Variants in SMARCA2 observed in about 807,000 individuals in gnomAD.
SMARCA2 encodes the protein SWI/SNF related BAF chromatin remodeling complex subunit ATPase 2.
SMARCA2 carries 61 observed loss-of-function variants against 199.8 expected under a neutral mutation model. That is an observed-to-expected ratio of 0.31 (90% CI 0.25 to 0.38). The LOEUF (loss-of-function observed/expected upper bound fraction) is 0.38, where lower values mean the gene tolerates loss of function less well. Among genes scored for constraint, SMARCA2 ranks in the 10% least tolerant of loss-of-function variants. The probability of loss-of-function intolerance (pLI) is 1.00; values close to 1 mark genes in which losing one functional copy is unlikely to be tolerated. For missense variants in SMARCA2, 1,344 were observed against 2,012.2 expected (o/e 0.67, Z 6.35); for synonymous variants, 935 against 732.0 (o/e 1.28, Z -4.48).
chr9:2,175,849 G>C (rs1826544665), intron 29 of SMARCA2, among the ~76,000 whole-genome samples: 1 of 151,752 alleles, frequency 6.6e-6, no homozygotes, highest in African/African-American at 2.4e-5. Context: ...ACTACAATTT[G>C]ATATCCTCTG....
intron 4 of SMARCA2, chr9:2,041,449 A>G (rs1819599348): frequency 7.5e-6 from 3 of 398,508 alleles, no homozygotes; most frequent in South Asian, 2.5e-4. Context: ...CAGAAGAGAC[A>G]AGGCAGCTCT....
chr9:2,155,981 G>A (rs142987594), intron 27 of SMARCA2, among the ~76,000 whole-genome samples: 12 of 151,844 alleles, frequency 7.9e-5, no homozygotes, highest in East Asian at 3.9e-4. Context: ...AACCACAGTC[G>A]GAGGAAAAAA....
intron 9 of SMARCA2, among the ~76,000 whole-genome samples, chr9:2,065,258 T>C (rs1820786244): frequency 6.6e-6 from 1 of 152,188 alleles, no homozygotes; most frequent in Admixed American, 6.5e-5. Context: ...AAATATTTAA[T>C]TCTCCCTTCC....
At chr9:2,160,815 T>C (rs1825631076) in intron 27 of SMARCA2, 1 of 419,448 alleles carries the variant, frequency 2.4e-6, no homozygotes, top group African/African-American at 2.0e-5. Context: ...TTATGTTCTT[T>C]TTTTTTTTCT....
chr9:2,083,996 A>G (rs1400509608), intron 16 of SMARCA2, 90 bp from the exon 17 acceptor site: 4 of 687,940 alleles, frequency 5.8e-6, no homozygotes, highest in African/African-American at 5.3e-5. Context: ...CTTCAGTCAC[A>G]TGTCTGGGCA....
chr9:2,139,650 A>G (rs879216331), intron 27 of SMARCA2, among the ~76,000 whole-genome samples: 1 of 152,090 alleles, frequency 6.6e-6, no homozygotes, highest in Non-Finnish European at 1.5e-5. Flanking sequence ...TACCCCCAAT[A>G]TAGTCGCTAC....
At chr9:2,064,574 C>G (rs1820745354) in intron 9 of SMARCA2, among the ~76,000 whole-genome samples, 1 of 152,156 alleles carries the variant, frequency 6.6e-6, no homozygotes, top group South Asian at 2.1e-4. Context: ...GATGTTGAAT[C>G]AATAATAATT....
At chr9:2,148,579 G>A (rs1282486660) in intron 27 of SMARCA2, among the ~76,000 whole-genome samples, 4 of 151,440 alleles carry the variant, frequency 2.6e-5, no homozygotes, top group African/African-American at 4.8e-5. Context: ...CCATGTTGGT[G>A]TGCTGCACCC....
At chr9:2,073,501 G>A in intron 11 of SMARCA2, 65 bp from the exon 12 acceptor site, 3 of 1,475,082 alleles carry the variant, frequency 2.0e-6, no homozygotes, top group Middle Eastern at 1.7e-4. Flanking sequence ...TAAGTCATGT[G>A]TGTCTTTATT....
intron 31 of SMARCA2, among the ~76,000 whole-genome samples, chr9:2,182,807 T>TA (rs1274373385): frequency 3.1e-4 from 5 of 15,996 alleles, no homozygotes; most frequent in African/African-American, 3.5e-4. Flanking sequence ...AAAGCATATA[T>TA]TTTTTTTTCG....
At chr9:2,026,641 A>G (rs1286648011) in intron 1 of SMARCA2, among the ~76,000 whole-genome samples, 1 of 152,230 alleles carries the variant, frequency 6.6e-6, no homozygotes, top group Non-Finnish European at 1.5e-5. Context: ...CTCGTGGTAT[A>G]TTACTTTAAT....
At chr9:2,118,740 G>T (rs1823325435) in intron 25 of SMARCA2, among the ~76,000 whole-genome samples, 1 of 152,170 alleles carries the variant, frequency 6.6e-6, no homozygotes, top group South Asian at 2.1e-4. Context: ...GAGAGATAAT[G>T]TACCTTTGTT....
chr9:2,035,166 T>C (rs1313163143), intron 3 of SMARCA2, among the ~76,000 whole-genome samples: 1 of 151,826 alleles, frequency 6.6e-6, no homozygotes, highest in Non-Finnish European at 1.5e-5. Flanking sequence ...CTCAGCCTCC[T>C]GAGTAGCTGG....
intron 28 of SMARCA2, among the ~76,000 whole-genome samples, chr9:2,165,700 C>T (rs1398938399): frequency 6.6e-6 from 1 of 152,168 alleles, no homozygotes; most frequent in African/African-American, 2.4e-5. Flanking sequence ...AGAAGGGATT[C>T]ATCCTGTTTG....
At chr9:2,152,012 A>C (rs1444135566) in intron 27 of SMARCA2, among the ~76,000 whole-genome samples, 1 of 152,180 alleles carries the variant, frequency 6.6e-6, no homozygotes, top group African/African-American at 2.4e-5. Flanking sequence ...TTCTGAATTA[A>C]AAGAAAATGG....
intron 1 of SMARCA2, among the ~76,000 whole-genome samples, chr9:2,023,913 C>T (rs1246468935): frequency 3.3e-5 from 5 of 152,216 alleles, no homozygotes; most frequent in Non-Finnish European, 5.9e-5. Flanking sequence ...TTAACTATCT[C>T]CTGAACCTTG....
At chr9:2,179,200 C>T (rs1826838261) in intron 29 of SMARCA2, among the ~76,000 whole-genome samples, 1 of 152,136 alleles carries the variant, frequency 6.6e-6, no homozygotes, top group Non-Finnish European at 1.5e-5. Flanking sequence ...AGAGACTCTC[C>T]TGACTAGAAG....
chr9:2,134,425 G>A (rs538970571), intron 27 of SMARCA2, among the ~76,000 whole-genome samples: 5 of 152,090 alleles, frequency 3.3e-5, no homozygotes, highest in African/African-American at 4.8e-5. Context: ...CTCCCTAGCT[G>A]TACACCAACC....
intron 27 of SMARCA2, among the ~76,000 whole-genome samples, chr9:2,146,461 G>C (rs1029607266): frequency 2.0e-5 from 3 of 152,110 alleles, no homozygotes; most frequent in African/African-American, 7.2e-5. Context: ...GTTAGCCTTT[G>C]GATCGGGGGT....
Sources: gnomAD v4.1 joint callset for allele counts (sites outside exome capture counted in the v4.1 genomes callset) on GRCh38, gnomAD v4.1.1 for gene constraint, MANE v1.5 for transcripts, NCBI Gene and HGNC (gene_info 2026-07-23, HGNC 2026-07-21) for gene names.